Variants in COL14A1 observed in about 807,000 individuals in gnomAD.
The protein encoded by COL14A1 is collagen type XIV alpha 1 chain, also known as collagen alpha-1(XIV) chain.
Under a neutral mutation model 230.3 loss-of-function variants are expected in COL14A1, and 136 were observed. The ratio of observed to expected loss-of-function variants is 0.59; its 90% confidence interval spans 0.51 to 0.68. COL14A1 has a LOEUF of 0.68. Among genes scored for constraint, COL14A1 ranks in the 30% least tolerant of loss-of-function variants. The pLI, the probability that COL14A1 is intolerant of heterozygous loss-of-function variation, is 0.00. For synonymous variants in COL14A1, 792 were observed against 784.1 expected (o/e 1.01, Z -0.17); for missense variants, 1,976 against 2,215.8 (o/e 0.89, Z 2.17).
At chr8:120,318,897 T>A (rs1208927115) in intron 40 of COL14A1, among the ~76,000 whole-genome samples, 5 of 152,210 alleles carry the variant, frequency 3.3e-5, no homozygotes, top group African/African-American at 1.2e-4. Flanking sequence ...CAAAGCTTTT[T>A]ATTTTCCTCC....
At chr8:120,137,328 G>C (rs75511082) in intron 1 of COL14A1, among the ~76,000 whole-genome samples, 1 of 151,900 alleles carries the variant, frequency 6.6e-6, no homozygotes, top group East Asian at 1.9e-4. Flanking sequence ...GTTATTCCTG[G>C]TATTGTTAAT....
intron 5 of COL14A1, among the ~76,000 whole-genome samples, chr8:120,189,899 G>A (rs1215816696): frequency 6.6e-6 from 1 of 151,922 alleles, no homozygotes. Context: ...GGACATTTGT[G>A]TTGGTTCCAA....
chr8:120,364,380 G>A (rs1167310540), intron 45 of COL14A1, among the ~76,000 whole-genome samples: 5 of 152,110 alleles, frequency 3.3e-5, no homozygotes, highest in Non-Finnish European at 5.9e-5. Flanking sequence ...GAGATCTGAA[G>A]TCTCTACGCT....
At chr8:120,137,163 G>A (rs984261028) in intron 1 of COL14A1, among the ~76,000 whole-genome samples, 6 of 151,774 alleles carry the variant, frequency 4.0e-5, no homozygotes, top group African/African-American at 1.5e-4. Context: ...GGCTATTTGG[G>A]TTTTCTATTT....
chr8:120,367,209 G>T lies in COL14A1; in HGVS notation c.5116G>T (p.Val1706Phe). The T allele has an allele frequency of 6.2e-7, 1 of 1,613,542 alleles. No individual in the cohort carries two copies. Among genetic ancestry groups the T allele is most frequent in the South Asian group, 1.1e-5 (1 of 90,956 alleles). ...CAAAGGAGAAAAAGGAAATCCAGGC[G>T]TTGGAACCCAAGGTCCAAGAGGCCC... The part of the protein sequence containing the change: ...GIKGEKGNPG[V>F]GTQGPRGPPG... Residue 1706 changes from valine (V) to phenylalanine (F), a missense_variant, in exon 46 of 48, where the codon GTT becomes TTT. Coordinates refer to ENST00000297848, the MANE Select transcript of COL14A1 (RefSeq NM_021110.4).
Position 120,247,640 on chromosome 8 carries a change from G to T in COL14A1, c.2507G>T (p.Arg836Leu). 1 of 1,613,974 alleles carries T rather than the reference G, an allele frequency of 6.2e-7. No individual in the cohort carries two copies. The highest frequency in any genetic ancestry group is 8.5e-7 in the Non-Finnish European group (1 of 1,179,970). Residue 836 changes from arginine to leucine, a missense_variant, in exon 21 of 48, where the codon CGG becomes CTG. Arg to Leu is a moderately radical substitution (Grantham distance 102, BLOSUM62 -2). Coordinates refer to ENST00000297848, the MANE Select transcript of COL14A1 (RefSeq NM_021110.4). Reference sequence around the variant, plus strand: ...CCATCCTCGGGGCCCCAGAACTTGCGGGTGTCCGAGGAATGGTATAACCGG... The same window carrying T: ...CCATCCTCGGGGCCCCAGAACTTGCTGGTGTCCGAGGAATGGTATAACCGG... ...TLPSSGPQNLRVSEEWYNRLR... is the reference protein window; with the variant it reads ...TLPSSGPQNLLVSEEWYNRLR...
chr8:120,327,369 C>G (rs1276235551), intron 40 of COL14A1, among the ~76,000 whole-genome samples: 1 of 152,136 alleles, frequency 6.6e-6, no homozygotes, highest in Non-Finnish European at 1.5e-5. Context: ...ACGTGTAATT[C>G]ACACTCCAGA....
chr8:120,200,688 G>A (rs1817207077), intron 8 of COL14A1, among the ~76,000 whole-genome samples: 1 of 135,668 alleles, frequency 7.4e-6, no homozygotes, highest in African/African-American at 2.7e-5. Flanking sequence ...GTCTCCTTTA[G>A]AGAAAGATCC....
intron 40 of COL14A1, among the ~76,000 whole-genome samples, chr8:120,317,987 A>G (rs1821293354): frequency 6.6e-6 from 1 of 152,188 alleles, no homozygotes; most frequent in African/African-American, 2.4e-5. Flanking sequence ...CATTCTTTAT[A>G]GGGCCATGTT....
At chr8:120,252,158 G>A (rs991764243) in intron 22 of COL14A1, among the ~76,000 whole-genome samples, 2 of 151,924 alleles carry the variant, frequency 1.3e-5, no homozygotes, top group Non-Finnish European at 2.9e-5. Context: ...TTTCTTTTTT[G>A]ATAGTCAAAT....
At position 120,231,827 on chromosome 8, in the gene COL14A1, C is replaced by T. The variant is rs2290519; in HGVS notation, c.2349+209C>T. The T allele has an allele frequency of 0.43, 221,959 of 519,938 alleles. 48,384 individuals carry two copies. The highest frequency in any genetic ancestry group is 0.53 in the African/African-American group (27,932 of 52,390). 32.2% of individuals were successfully genotyped at this position (519,938 alleles called of 1,614,324 possible). ...AACTTGCTCCATGTACAACTTGCTC[C>T]AAGTTAATAACCTCTGAACATTGTT... On this transcript the variant is annotated intron_variant, in intron 19 of 47. Coordinates refer to ENST00000297848, the MANE Select transcript of COL14A1 (RefSeq NM_021110.4).
At chr8:120,334,086 A>AAG (rs1821967246) in intron 42 of COL14A1, among the ~76,000 whole-genome samples, 3 of 152,222 alleles carry the variant, frequency 2.0e-5, no homozygotes, top group Admixed American at 6.5e-5. Context: ...CATAGTAAAC[A>AAG]AGATGTAACA....
At chr8:120,333,808 C>G (rs1821952910) in intron 42 of COL14A1, among the ~76,000 whole-genome samples, 1 of 152,208 alleles carries the variant, frequency 6.6e-6, no homozygotes, top group Non-Finnish European at 1.5e-5. Flanking sequence ...CTCATGTCCA[C>G]CTGCATCTTC....
intron 24 of COL14A1, among the ~76,000 whole-genome samples, chr8:120,265,659 ATG>A (rs1186506014): frequency 5.5e-4 from 81 of 148,556 alleles, no homozygotes; most frequent in African/African-American, 1.9e-3. Context: ...GTGTGTGTGT[ATG>A]TGTGCGTAAG....
intron 45 of COL14A1, among the ~76,000 whole-genome samples, chr8:120,364,516 G>A (rs566605203): frequency 6.6e-6 from 1 of 152,190 alleles, no homozygotes; most frequent in East Asian, 1.9e-4. Context: ...TTCAGTATGC[G>A]AACCACAAGT....
chr8:120,337,321 G>A (rs571516999), intron 42 of COL14A1, among the ~76,000 whole-genome samples: 161 of 150,614 alleles, frequency 1.1e-3, no homozygotes, highest in African/African-American at 3.6e-3. Flanking sequence ...GCTTAAACCC[G>A]GGAGGCAGAG....
At position 120,279,864 on chromosome 8, in the gene COL14A1, T is replaced by G; in HGVS notation, c.3482-71T>G. The G allele has an allele frequency of 7.3e-6, 11 of 1,516,248 alleles. No homozygotes were observed. The South Asian group carries it at 1.4e-4, about 19-fold the overall frequency. 93.9% of individuals were successfully genotyped at this position (1,516,248 alleles called of 1,614,324 possible). The stretch of plus-strand genomic sequence containing the variant: ...TAAACATATTTTAAACAGTTGGATG[T>G]GTCTTATATTACATTATTTGTGTTT... On this transcript the variant is annotated intron_variant, in intron 28 of 47. Coordinates refer to ENST00000297848, the MANE Select transcript of COL14A1 (RefSeq NM_021110.4).
chr8:120,302,970 A>C (rs1430183172), intron 36 of COL14A1, among the ~76,000 whole-genome samples: 1 of 152,114 alleles, frequency 6.6e-6, no homozygotes, highest in Non-Finnish European at 1.5e-5. Context: ...AGTTAGCTGT[A>C]TTCCTAGGTA....
intron 5 of COL14A1, among the ~76,000 whole-genome samples, chr8:120,180,555 T>G (rs1448625976): frequency 6.6e-6 from 1 of 152,198 alleles, no homozygotes. Flanking sequence ...TGCTCTCTCT[T>G]GCTTCTCCAT....
Sources: gnomAD v4.1 joint callset for allele counts (sites outside exome capture counted in the v4.1 genomes callset) on GRCh38, gnomAD v4.1.1 for gene constraint, MANE v1.5 for transcripts, NCBI Gene and HGNC (gene_info 2026-07-23, HGNC 2026-07-21) for gene names.